The following FNIP1 variants were observed in gnomAD, a reference collection of about 807,000 sequenced individuals.
FNIP1 encodes the protein folliculin interacting protein 1, also known as folliculin-interacting protein 1.
In FNIP1, 40 loss-of-function variants were observed where a neutral mutation model predicts 124.5. That is an observed-to-expected ratio of 0.32 (90% CI 0.25 to 0.42). The LOEUF (loss-of-function observed/expected upper bound fraction) is 0.42. FNIP1 is among the 10% of genes least tolerant of loss of function. The probability of loss-of-function intolerance (pLI) is 1.00; values close to 1 mark genes in which losing one functional copy is unlikely to be tolerated. For missense variants in FNIP1, 1,176 were observed against 1,403.7 expected (o/e 0.84, Z 2.59); for synonymous variants, 472 against 470.6 (o/e 1.00, Z -0.04).
At chr5:131,710,453 T>C in intron 7 of FNIP1, 125 bp downstream of exon 7, 2 of 715,018 alleles carry the variant, frequency 2.8e-6, no homozygotes, top group Non-Finnish European at 4.3e-6. Flanking sequence ...TACTTCCTAA[T>C]GCAATGTTTT....
chr5:131,726,587 A>G (rs189339441), intron 3 of FNIP1, among the ~76,000 whole-genome samples: 112 of 152,180 alleles, frequency 7.4e-4, no homozygotes, highest in Middle Eastern at 3.4e-3. Context: ...CTAGTGGTCT[A>G]TTTTGTTAAT....
rs1290529554 is a variant in FNIP1 at position 131,693,333 on chromosome 5, C to CACATATATATAT, written c.1202+5583_1202+5584insATATATATATGT. On this transcript the variant is annotated intron_variant, in intron 11 of 17. Coordinates refer to ENST00000510461, the MANE Select transcript of FNIP1 (RefSeq NM_133372.3). ...ATATATATACACATATATATATATA[C>CACATATATATAT]ATATATATATATATATATATATATA... Among the ~76,000 whole-genome samples, 65 of 50,154 alleles carry CACATATATATAT rather than the reference C, an allele frequency of 1.3e-3. 1 individual carries two copies. The highest frequency in any genetic ancestry group is 3.3e-3 in the African/African-American group (49 of 14,716). The allele number at this position is 50,154 out of a possible 152,430, so 32.9% of individuals were successfully genotyped here.
chr5:131,727,259 C>T (rs1299818240), intron 3 of FNIP1, among the ~76,000 whole-genome samples: 12 of 152,062 alleles, frequency 7.9e-5, no homozygotes. Context: ...GTTAAAGTCT[C>T]CCACTATTAT....
intron 11 of FNIP1, among the ~76,000 whole-genome samples, chr5:131,697,255 G>A (rs1034388714): frequency 1.3e-5 from 2 of 152,062 alleles, no homozygotes; most frequent in Non-Finnish European, 2.9e-5. Context: ...AATTTACACA[G>A]TGGTACGTAG....
chr5:131,774,014 T>C (rs1488693188), intron 1 of FNIP1, among the ~76,000 whole-genome samples: 8 of 152,158 alleles, frequency 5.3e-5, no homozygotes, highest in South Asian at 2.1e-4. Context: ...ACAATTATGT[T>C]TGAAGTCAAT....
chr5:131,711,593 C>A (rs548949117), intron 6 of FNIP1, among the ~76,000 whole-genome samples: 2 of 152,312 alleles, frequency 1.3e-5, no homozygotes, highest in East Asian at 3.9e-4. Flanking sequence ...TCCTGAGCTC[C>A]AGTGATCTTC....
At chr5:131,772,362 C>A (rs1482925159) in intron 1 of FNIP1, among the ~76,000 whole-genome samples, 3 of 148,574 alleles carry the variant, frequency 2.0e-5, no homozygotes, top group Non-Finnish European at 3.0e-5. Flanking sequence ...AACTGCAAAC[C>A]TAAAAAAGAA....
At chr5:131,744,741 A>T (rs1770618756) in intron 1 of FNIP1, 51 bp from the exon 2 acceptor site, 1 of 1,465,466 alleles carries the variant, frequency 6.8e-7, no homozygotes, top group African/African-American at 1.4e-5. Flanking sequence ...TACATTAATA[A>T]ATATTCCATA....
At chr5:131,792,052 C>A (rs1169052838) in intron 1 of FNIP1, among the ~76,000 whole-genome samples, 2 of 151,952 alleles carry the variant, frequency 1.3e-5, no homozygotes, top group Non-Finnish European at 1.5e-5. Context: ...ACATTAAGTT[C>A]TTTACATGAC....
chr5:131,652,973 A>T (rs1767084012), intron 15 of FNIP1, among the ~76,000 whole-genome samples: 1 of 152,148 alleles, frequency 6.6e-6, no homozygotes, highest in African/African-American at 2.4e-5. Flanking sequence ...TAAAAAAAAC[A>T]CAAACAACAA....
chr5:131,772,549 C>T (rs554784908), intron 1 of FNIP1, among the ~76,000 whole-genome samples: 4 of 152,246 alleles, frequency 2.6e-5, no homozygotes, highest in Non-Finnish European at 5.9e-5. Flanking sequence ...CTCAAACTTA[C>T]TAAGTACAAC....
rs56699008 is a variant in FNIP1 at position 131,790,478 on chromosome 5, CAAAA to C, written c.92+6348_92+6351del. On this transcript the variant is annotated intron_variant, in intron 1 of 17. Transcript: ENST00000510461. The stretch of plus-strand genomic sequence containing the variant: ...TGGGCGATAGAGCAAGAACCTGTCT[CAAAA>C]AAAAAAAAAAAAAAAAAAAAGGCAC... Among the ~76,000 whole-genome samples the C allele has an allele frequency of 6.4e-4, 45 of 70,594 alleles. 1 individual carries two copies. In the South Asian group the frequency reaches 9.8e-3, roughly 15 times the overall value. 46.3% of individuals were successfully genotyped at this position (70,594 alleles called of 152,430 possible).
At chr5:131,667,045 T>C (rs937088309) in intron 15 of FNIP1, among the ~76,000 whole-genome samples, 30 of 152,188 alleles carry the variant, frequency 2.0e-4, no homozygotes, top group African/African-American at 6.5e-4. Context: ...GAGGGAAGCA[T>C]TGAAAAAACT....
chr5:131,757,157 A>C (rs1771076355), intron 1 of FNIP1, among the ~76,000 whole-genome samples: 1 of 152,232 alleles, frequency 6.6e-6, no homozygotes, highest in African/African-American at 2.4e-5. Flanking sequence ...AAGTTAAAGC[A>C]CAAGTCTGAA....
intron 8 of FNIP1, 112 bp from the exon 9 acceptor site, chr5:131,706,658 A>G: frequency 8.9e-7 from 1 of 1,127,820 alleles, no homozygotes; most frequent in Non-Finnish European, 1.2e-6. Context: ...TTGCTTCATG[A>G]GCCTCAAAAA....
rs1772121729 is a variant in FNIP1 at position 131,785,013 on chromosome 5, TATATGATATATATG to T, written c.92+11803_92+11816del. On this transcript the variant is annotated intron_variant, in intron 1 of 17. Coordinates refer to ENST00000510461, the MANE Select transcript of FNIP1 (RefSeq NM_133372.3). ...TATATATATGATATATATGACTATA[TATATGATATATATG>T]ACATATATATGATATATATGACTAT... is the stretch of plus-strand genomic sequence containing the variant. Among the ~76,000 whole-genome samples, 3 of 14,220 alleles carry T rather than the reference TATATGATATATATG, an allele frequency of 2.1e-4. 1 individual carries two copies. In the South Asian group the frequency reaches 5.8e-3, roughly 28 times the overall value. 9.3% of individuals were successfully genotyped at this position (14,220 alleles called of 152,430 possible).
chr5:131,777,312 C>T (rs933460492), intron 1 of FNIP1, among the ~76,000 whole-genome samples: 14 of 151,130 alleles, frequency 9.3e-5, no homozygotes, highest in African/African-American at 3.4e-4. Flanking sequence ...ACTCTGAAAA[C>T]ACCTAGAAAT....
At chr5:131,728,326 G>A (rs1769959831) in intron 3 of FNIP1, among the ~76,000 whole-genome samples, 2 of 152,110 alleles carry the variant, frequency 1.3e-5, no homozygotes, top group Non-Finnish European at 1.5e-5. Flanking sequence ...ATCAAACACA[G>A]GTTTGGTATT....
chr5:131,711,090 G>C (rs1268897047), intron 6 of FNIP1, among the ~76,000 whole-genome samples: 1 of 152,136 alleles, frequency 6.6e-6, no homozygotes, highest in Non-Finnish European at 1.5e-5. Context: ...CTGCAGCGAG[G>C]AGAAAACCAC....
Sources: allele counts gnomAD v4.1 joint callset (sites outside exome capture counted in the v4.1 genomes callset), GRCh38; gene constraint gnomAD v4.1.1; transcripts MANE v1.5; gene names NCBI Gene and HGNC (gene_info 2026-07-23, HGNC 2026-07-21).